Variants in AOAH observed in about 807,000 individuals in gnomAD.
AOAH encodes acyloxyacyl hydrolase.
Under a neutral mutation model 92.2 loss-of-function variants are expected in AOAH, and 64 were observed. That is an observed-to-expected ratio of 0.69 (90% confidence interval 0.57 to 0.86). The LOEUF is 0.86. Ranked by LOEUF, AOAH falls within the 40% of genes least tolerant of loss-of-function variation. AOAH has a pLI of 0.00. For synonymous variants in AOAH, 263 were observed against 254.5 expected (o/e 1.03, Z -0.32); for missense variants, 656 against 694.6 (o/e 0.94, Z 0.62).
intron 4 of AOAH, among the ~76,000 whole-genome samples, chr7:36,640,495 G>T (rs1337253649): frequency 6.6e-6 from 1 of 152,192 alleles, no homozygotes; most frequent in East Asian, 1.9e-4. Flanking sequence ...TGAGGCCGGG[G>T]CAACAGGGGC....
chr7:36,688,856 T>A (rs776992413), intron 1 of AOAH, among the ~76,000 whole-genome samples: 8 of 152,142 alleles, frequency 5.3e-5, no homozygotes, highest in Admixed American at 4.6e-4. Context: ...TGTATATGTA[T>A]ATGTGTATCT....
At chr7:36,608,116 T>C (rs961060471) in intron 11 of AOAH, among the ~76,000 whole-genome samples, 1 of 152,232 alleles carries the variant, frequency 6.6e-6, no homozygotes, top group Non-Finnish European at 1.5e-5. Flanking sequence ...GGGCCCACGC[T>C]CTTTCTGTCC....
At chr7:36,602,666 T>G (rs74534113) in intron 11 of AOAH, among the ~76,000 whole-genome samples, 1,603 of 152,306 alleles carry the variant, frequency 0.011, 16 homozygotes, top group African/African-American at 0.018. Flanking sequence ...CTGACTCTTC[T>G]GATACCTTTG....
At chr7:36,664,140 TG>T (rs1795394974) in intron 3 of AOAH, among the ~76,000 whole-genome samples, 1 of 152,270 alleles carries the variant, frequency 6.6e-6, no homozygotes, top group East Asian at 1.9e-4. Context: ...ATATATACTT[TG>T]CAAATAGTTT....
chr7:36,535,014 G>GTGTC lies in AOAH; in HGVS notation c.1307-2674_1307-2671dup, dbSNP rs1363775075. 7.0e-4 allele frequency among the ~76,000 whole-genome samples: 17 copies of GTGTC among 24,124 alleles called. No homozygotes were observed. The East Asian group carries it at 0.022, about 31-fold the overall frequency. 15.8% of individuals were successfully genotyped at this position (24,124 alleles called of 152,430 possible). A position where few individuals can be genotyped will look rare whatever the true frequency, so the allele number is the denominator to read the frequency against. The stretch of plus-strand genomic sequence containing the variant: ...TGTGTCTGCTTGTGTGTATCTGTGT[G>GTGTC]TGTCTGTGTCTGTGTGTGTGTCTGT... On this transcript the variant is annotated intron_variant, in intron 16 of 20. Transcript: ENST00000617537.
chr7:36,599,679 G>A (rs1325178778), intron 11 of AOAH: 1 of 152,212 alleles, frequency 6.6e-6, no homozygotes, highest in Non-Finnish European at 1.5e-5. Context: ...TAGCTCTTGG[G>A]TTGGTATTTT....
intron 2 of AOAH, among the ~76,000 whole-genome samples, chr7:36,685,013 T>G (rs567202570): frequency 7.0e-6 from 1 of 143,506 alleles, no homozygotes; most frequent in Non-Finnish European, 1.5e-5. Context: ...GGCCTCCTGA[T>G]GAAGGAAAAC....
chr7:36,636,304 G>A (rs936630378), intron 5 of AOAH, among the ~76,000 whole-genome samples: 10 of 151,966 alleles, frequency 6.6e-5, no homozygotes, highest in South Asian at 2.1e-4. Flanking sequence ...CACTTCTCGC[G>A]AGTAATTGTT....
At chr7:36,564,520 C>T (rs949640809) in intron 13 of AOAH, among the ~76,000 whole-genome samples, 2 of 152,190 alleles carry the variant, frequency 1.3e-5, no homozygotes, top group South Asian at 2.1e-4. Flanking sequence ...AGGTAAAAGC[C>T]TCATCCCAGG....
At chr7:36,537,531 G>C (rs1057310315) in intron 16 of AOAH, among the ~76,000 whole-genome samples, 13 of 91,744 alleles carry the variant, frequency 1.4e-4, no homozygotes, top group Non-Finnish European at 2.8e-4. Context: ...TTGTTTGTTT[G>C]TTTTGAGACT....
rs768307327 is a variant in AOAH, at chr7:36,594,392, C to T, written c.885G>A (p.Glu295=). 3.7e-5 allele frequency: 60 copies of T among 1,613,916 alleles called. No homozygotes were observed. The highest frequency in any genetic ancestry group is 5.1e-5 in the Non-Finnish European group (60 of 1,179,942). ...CACCAGAGAGTTGGGGCCAGTCAAG[C>T]TCGTTGGTAAGGGCTGTTGGTAGAT... ...FINLPTALTN[E]LDWPQLSGAT... The change falls in exon 12 of 21, where the codon GAG becomes GAA. Residue 295 remains glutamate (E), a synonymous_variant. Transcript: ENST00000617537.
At chr7:36,644,437 G>A (rs1584018242) in intron 4 of AOAH, among the ~76,000 whole-genome samples, 3 of 152,098 alleles carry the variant, frequency 2.0e-5, no homozygotes, top group East Asian at 1.9e-4. Context: ...GCCGCTTTGT[G>A]GGAATAAATA....
intron 11 of AOAH, among the ~76,000 whole-genome samples, chr7:36,612,917 A>T (rs112023174): frequency 6.6e-5 from 10 of 152,274 alleles, no homozygotes; most frequent in African/African-American, 1.9e-4. Flanking sequence ...AGAGGATTTA[A>T]ATCTTGCCTT....
At chr7:36,585,854 G>A (rs1337651453) in intron 12 of AOAH, among the ~76,000 whole-genome samples, 1 of 152,168 alleles carries the variant, frequency 6.6e-6, no homozygotes, top group Non-Finnish European at 1.5e-5. Flanking sequence ...GACAAAAAGT[G>A]AGGACTTCAG....
intron 16 of AOAH, among the ~76,000 whole-genome samples, chr7:36,537,237 T>TG (rs1012839758): frequency 2.3e-4 from 1 of 4,362 alleles, no homozygotes; most frequent in Non-Finnish European, 4.1e-3. Context: ...CTTGATTGGA[T>TG]TTTTTTTTTT....
In AOAH at chr7:36,623,251, C is replaced by T. The variant is rs760723604; in HGVS notation, c.522-1G>A. ...GAATGGCACAGACTGTTCCATAGCT[C>T]TAGGAAAAAGAAAACAAAACAATCG... On this transcript the variant is annotated splice_acceptor_variant, in intron 6 of 20. Transcript: ENST00000617537. LOFTEE classifies it high-confidence loss of function. 2 of 1,612,960 alleles carry T rather than the reference C, an allele frequency of 1.2e-6. No individual in the cohort carries two copies. Among genetic ancestry groups the T allele is most frequent in the Non-Finnish European group, 1.7e-6 (2 of 1,179,648 alleles).
chr7:36,595,900 T>C (rs775582288), intron 11 of AOAH, among the ~76,000 whole-genome samples: 1 of 152,198 alleles, frequency 6.6e-6, no homozygotes, highest in Non-Finnish European at 1.5e-5. Context: ...AAATTTAAAA[T>C]AAAGTAATGT....
intron 11 of AOAH, among the ~76,000 whole-genome samples, chr7:36,603,148 G>A (rs1790726913): frequency 6.6e-6 from 1 of 152,140 alleles, no homozygotes; most frequent in South Asian, 2.1e-4. Context: ...TTTTGAATAA[G>A]TGCCCTACCT....
intron 11 of AOAH, among the ~76,000 whole-genome samples, chr7:36,596,377 T>A (rs1402576536): frequency 1.3e-5 from 2 of 152,160 alleles, no homozygotes; most frequent in Admixed American, 6.5e-5. Context: ...TGGACTGTTA[T>A]GGGTTGAATT....
Sources: allele counts gnomAD v4.1 joint callset (sites outside exome capture counted in the v4.1 genomes callset), GRCh38; gene constraint gnomAD v4.1.1; transcripts MANE v1.5; gene names NCBI Gene and HGNC (gene_info 2026-07-23, HGNC 2026-07-21).